Variants in KDM7A observed in about 807,000 individuals in gnomAD.
KDM7A encodes the protein lysine-specific demethylase 7A.
In KDM7A, 28 loss-of-function variants were observed where a neutral mutation model predicts 114.8. That is an observed-to-expected ratio of 0.24 (90% CI 0.18 to 0.33). The LOEUF (loss-of-function observed/expected upper bound fraction) is 0.33, where lower values mean the gene tolerates loss of function less well. Ranked by LOEUF, KDM7A falls within the 10% of genes least tolerant of loss-of-function variation. The probability of loss-of-function intolerance (pLI) is 1.00; values close to 1 mark genes in which losing one functional copy is unlikely to be tolerated. For synonymous variants in KDM7A, 423 were observed against 397.8 expected, an observed-to-expected ratio of 1.06 and a Z score of -0.75; for missense variants, 942 against 1,142.5, an observed-to-expected ratio of 0.82 and a Z score of 2.53.
At chr7:140,093,362 T>C (rs1279070593) in intron 18 of KDM7A, among the ~76,000 whole-genome samples, 1 of 152,218 alleles carries the variant, frequency 6.6e-6, no homozygotes, top group Non-Finnish European at 1.5e-5. Flanking sequence ...CCTCCTTCCC[T>C]TCTCCCCCAC....
Position 140,089,314 on chromosome 7 carries a change from T to C in KDM7A, c.*1780A>G, listed in dbSNP as rs1319813165. 6.6e-6 allele frequency: 1 copy of C among 152,232 alleles called. No homozygotes were observed. Among genetic ancestry groups the C allele is most frequent in the African/African-American group, 2.4e-5 (1 of 41,462 alleles). The allele number at this position is 152,232 out of a possible 1,614,324, so 9.4% of individuals were successfully genotyped here. The stretch of plus-strand genomic sequence containing the variant: ...ACTCTGAACCAGAAAGGCTACTTCA[T>C]AAACTATTTCATATTTATCCCATGA... On this transcript the variant is annotated 3_prime_UTR_variant, in exon 20 of 20. Coordinates refer to ENST00000397560, the MANE Select transcript of KDM7A (RefSeq NM_030647.2).
intron 1 of KDM7A, among the ~76,000 whole-genome samples, chr7:140,151,848 T>C (rs1282360445): frequency 6.6e-6 from 1 of 152,230 alleles, no homozygotes; most frequent in Non-Finnish European, 1.5e-5. Context: ...GACAGTTTTA[T>C]TTCCCATTGC....
At chr7:140,120,617 A>T in intron 7 of KDM7A, 88 bp from the exon 8 acceptor site, 1 of 749,262 alleles carries the variant, frequency 1.3e-6, no homozygotes, top group Non-Finnish European at 2.4e-6. Context: ...AACTCAAAAT[A>T]TCAATATCAG....
intron 11 of KDM7A, among the ~76,000 whole-genome samples, chr7:140,107,792 G>C (rs1270123506): frequency 6.6e-6 from 1 of 152,146 alleles, no homozygotes; most frequent in Non-Finnish European, 1.5e-5. Flanking sequence ...GGCGTTCTCT[G>C]TATTTCCTGA....
At chr7:140,095,707 C>A in intron 17 of KDM7A, 1 of 220,766 alleles carries the variant, frequency 4.5e-6, no homozygotes, top group Non-Finnish European at 9.6e-6. Flanking sequence ...GGTGAGACCT[C>A]GTCTCTACAA....
In KDM7A at chr7:140,086,840, A is replaced by G. The variant is rs1817936374; in HGVS notation, c.*4254T>C. On this transcript the variant is annotated 3_prime_UTR_variant, in exon 20 of 20. Transcript: ENST00000397560. ...ATCCAGCTTCCCAAGACTGCTTTAG[A>G]GGAAGGTCTAGGACACCACCAAGAC... is the stretch of plus-strand genomic sequence containing the variant. 1 of 152,136 alleles carries G rather than the reference A, an allele frequency of 6.6e-6. No individual in the cohort carries two copies. The highest frequency in any genetic ancestry group is 2.4e-5 in the African/African-American group (1 of 41,438). 9.4% of individuals were successfully genotyped at this position (152,136 alleles called of 1,614,324 possible).
intron 1 of KDM7A, among the ~76,000 whole-genome samples, chr7:140,162,606 A>T (rs568318038): frequency 6.6e-6 from 1 of 152,366 alleles, no homozygotes; most frequent in East Asian, 1.9e-4. Context: ...TGTATATTTA[A>T]GCTCAAACTT....
chr7:140,115,492 A>T (rs1818512050), intron 9 of KDM7A, among the ~76,000 whole-genome samples: 1 of 152,038 alleles, frequency 6.6e-6, no homozygotes, highest in South Asian at 2.1e-4. Flanking sequence ...CTATGACCTT[A>T]CCCCCAACCC....
intron 1 of KDM7A, among the ~76,000 whole-genome samples, chr7:140,162,192 G>T (rs554452481): frequency 6.6e-6 from 1 of 151,960 alleles, no homozygotes; most frequent in Admixed American, 6.6e-5. Flanking sequence ...AAATTTCGCC[G>T]GGCATAGTGG....
chr7:140,125,278 G>A (rs760908834), intron 6 of KDM7A, among the ~76,000 whole-genome samples: 1 of 152,178 alleles, frequency 6.6e-6, no homozygotes, highest in Admixed American at 6.5e-5. Flanking sequence ...GAACATTGCT[G>A]AGGCACAAGC....
intron 1 of KDM7A, among the ~76,000 whole-genome samples, chr7:140,168,646 A>C (rs962062207): frequency 5.3e-5 from 8 of 152,228 alleles, no homozygotes; most frequent in African/African-American, 1.9e-4. Context: ...AGTAAATGAC[A>C]TACATTAAAG....
chr7:140,092,263 G>C, intron 18 of KDM7A, 186 bp from the exon 19 acceptor site: 1 of 605,048 alleles, frequency 1.7e-6, no homozygotes, highest in East Asian at 2.8e-5. Flanking sequence ...AAGGACTCGG[G>C]TCTTTAAGTT....
chr7:140,136,088 T>C lies in KDM7A; in HGVS notation c.281-2432A>G, dbSNP rs137941722. On this transcript the variant is annotated intron_variant, in intron 2 of 19. Transcript: ENST00000397560. ...AATCCTCCTATCTCAGCAACCCCAGTAGTTAATTTTCATTTTTGCAGAAGA... is the reference window on the plus strand; with the variant it reads ...AATCCTCCTATCTCAGCAACCCCAGCAGTTAATTTTCATTTTTGCAGAAGA... 4.3e-3 allele frequency among the ~76,000 whole-genome samples: 660 copies of C among 152,200 alleles called. 7 individuals carry two copies. Among genetic ancestry groups the C allele is most frequent in the African/African-American group, 0.015 (612 of 41,512 alleles).
chr7:140,111,365 C>T (rs1037025668), intron 10 of KDM7A, among the ~76,000 whole-genome samples, 181 bp from the exon 11 acceptor site: 3 of 152,172 alleles, frequency 2.0e-5, no homozygotes, highest in African/African-American at 4.8e-5. Flanking sequence ...TTCTCATTAA[C>T]ATACAAAATC....
intron 2 of KDM7A, among the ~76,000 whole-genome samples, chr7:140,138,245 C>T (rs1361102090): frequency 1.3e-5 from 2 of 152,058 alleles, no homozygotes; most frequent in Admixed American, 1.3e-4. Context: ...GAAGTCAAGG[C>T]TGCAGTGAGC....
chr7:140,116,458 G>A (rs1039292352), intron 9 of KDM7A, among the ~76,000 whole-genome samples: 4 of 152,108 alleles, frequency 2.6e-5, no homozygotes, highest in Non-Finnish European at 5.9e-5. Flanking sequence ...TATAACACAG[G>A]TGATAAAACT....
intron 17 of KDM7A, among the ~76,000 whole-genome samples, chr7:140,094,379 C>G (rs981856381): frequency 2.0e-5 from 3 of 152,132 alleles, no homozygotes; most frequent in Non-Finnish European, 4.4e-5. Flanking sequence ...GTGGCGGACG[C>G]CTGTAATCTC....
intron 1 of KDM7A, among the ~76,000 whole-genome samples, chr7:140,156,821 T>C (rs1245758201): frequency 1.3e-5 from 2 of 152,064 alleles, no homozygotes; most frequent in Non-Finnish European, 2.9e-5. Context: ...GAGATGGAAA[T>C]AGAGAAAGCC....
intron 11 of KDM7A, among the ~76,000 whole-genome samples, chr7:140,103,313 TTTTTA>T (rs1240218663): frequency 3.4e-4 from 52 of 152,300 alleles, no homozygotes; most frequent in Middle Eastern, 3.4e-3. Context: ...TTCCTTTTTT[TTTTTA>T]TTTTAATTAT....
Sources: gnomAD v4.1 joint callset for allele counts (sites outside exome capture counted in the v4.1 genomes callset) on GRCh38, gnomAD v4.1.1 for gene constraint, MANE v1.5 for transcripts, NCBI Gene and HGNC (gene_info 2026-07-23, HGNC 2026-07-21) for gene names.